The following RARB variants were observed in gnomAD, a reference collection of about 807,000 sequenced individuals.
The protein encoded by RARB is retinoic acid receptor beta.
In RARB, 17 loss-of-function variants were observed where a neutral mutation model predicts 51.9. The ratio of observed to expected loss-of-function variants is 0.33; its 90% CI spans 0.22 to 0.49. The LOEUF (loss-of-function observed/expected upper bound fraction) is 0.49, where lower values mean the gene tolerates loss of function less well. Ranked by LOEUF, RARB falls within the 20% of genes least tolerant of loss-of-function variation. RARB has a pLI of 0.99. For missense variants in RARB, 369 were observed against 550.8 expected, an observed-to-expected ratio of 0.67 and a Z score of 3.30; for synonymous variants, 215 against 195.4, an observed-to-expected ratio of 1.10 and a Z score of -0.84.
intron 1 of RARB, among the ~76,000 whole-genome samples, chr3:24,845,849 C>T (rs937514746): frequency 6.6e-6 from 1 of 152,176 alleles, no homozygotes; most frequent in African/African-American, 2.4e-5. Context: ...TCCTGTGTCT[C>T]ACAAGGTTGT....
chr3:25,024,581 C>T (rs1221471126), intron 2 of RARB, among the ~76,000 whole-genome samples: 5 of 152,086 alleles, frequency 3.3e-5, no homozygotes, highest in African/African-American at 1.2e-4. Flanking sequence ...AAAATAGTCT[C>T]TAAATATAAG....
At chr3:25,560,169 A>G (rs937633815) in intron 3 of RARB, among the ~76,000 whole-genome samples, 11 of 152,252 alleles carry the variant, frequency 7.2e-5, no homozygotes, top group African/African-American at 2.7e-4. Context: ...GATTCTGAAG[A>G]TCCTTAGAAA....
At chr3:25,216,704 T>C (rs1375979603) in intron 5 of RARB, among the ~76,000 whole-genome samples, 1 of 151,888 alleles carries the variant, frequency 6.6e-6, no homozygotes, top group South Asian at 2.1e-4. Flanking sequence ...ATCCTGTTTT[T>C]TTTTTAGAAG....
intron 3 of RARB, among the ~76,000 whole-genome samples, chr3:25,533,015 G>A (rs1284795980): frequency 1.3e-5 from 2 of 152,042 alleles, no homozygotes; most frequent in Admixed American, 1.3e-4. Context: ...TGAGCCAGAA[G>A]GTATTATATT....
At chr3:25,318,786 C>A (rs1233414509) in intron 5 of RARB, among the ~76,000 whole-genome samples, 1 of 152,184 alleles carries the variant, frequency 6.6e-6, no homozygotes, top group Non-Finnish European at 1.5e-5. Flanking sequence ...AAAATTACCA[C>A]CCTGAAACTC....
intron 3 of RARB, among the ~76,000 whole-genome samples, chr3:25,124,202 G>A (rs1699827908): frequency 6.6e-6 from 1 of 152,128 alleles, no homozygotes; most frequent in Non-Finnish European, 1.5e-5. Context: ...GTGAAACTTT[G>A]TCTCTACTAC....
At chr3:25,465,679 A>G (rs751755121) in intron 2 of RARB, among the ~76,000 whole-genome samples, 21 of 152,210 alleles carry the variant, frequency 1.4e-4, no homozygotes, top group Non-Finnish European at 1.9e-4. Flanking sequence ...CCATGGCAGT[A>G]TAACCACTAG....
intron 3 of RARB, among the ~76,000 whole-genome samples, chr3:25,079,936 TG>T (rs1698958181): frequency 6.6e-6 from 1 of 152,198 alleles, no homozygotes; most frequent in African/African-American, 2.4e-5. Flanking sequence ...TGTATAAACT[TG>T]GTATTATTTC....
intron 5 of RARB, among the ~76,000 whole-genome samples, chr3:25,207,215 C>T (rs1701571594): frequency 6.6e-6 from 1 of 152,096 alleles, no homozygotes; most frequent in Non-Finnish European, 1.5e-5. Context: ...GATATAGTTC[C>T]AACTCAGATC....
chr3:24,874,012 C>T (rs1213657625), intron 2 of RARB, among the ~76,000 whole-genome samples: 1 of 152,000 alleles, frequency 6.6e-6, no homozygotes, highest in African/African-American at 2.4e-5. Context: ...CAACTATTTA[C>T]ATAGCATTTA....
chr3:25,120,850 C>G (rs1699772980), intron 3 of RARB, among the ~76,000 whole-genome samples: 1 of 152,136 alleles, frequency 6.6e-6, no homozygotes, highest in African/African-American at 2.4e-5. Context: ...CAAAGTTTCA[C>G]TGCAAATAAG....
At chr3:25,575,913 C>T (rs887877133) in intron 4 of RARB, among the ~76,000 whole-genome samples, 6 of 152,132 alleles carry the variant, frequency 3.9e-5, no homozygotes, top group South Asian at 2.1e-4. Flanking sequence ...CCATGCTTGC[C>T]GCTCTCTGCA....
intron 5 of RARB, among the ~76,000 whole-genome samples, chr3:25,378,439 C>T (rs1359667312): frequency 6.6e-6 from 1 of 152,150 alleles, no homozygotes; most frequent in East Asian, 1.9e-4. Flanking sequence ...TGGCTTCATC[C>T]TATACCCCTA....
chr3:25,571,890 C>T (rs1346487191), intron 4 of RARB, among the ~76,000 whole-genome samples: 1 of 152,256 alleles, frequency 6.6e-6, no homozygotes, highest in African/African-American at 2.4e-5. Context: ...GTACCTTCTA[C>T]TGGATACTAA....
chr3:25,118,437 G>A (rs183851297), intron 3 of RARB, among the ~76,000 whole-genome samples: 3 of 152,228 alleles, frequency 2.0e-5, no homozygotes, highest in East Asian at 3.9e-4. Context: ...TAAACAGTAC[G>A]TATATACAAA....
chr3:25,088,245 T>A (rs1699136333), intron 3 of RARB, among the ~76,000 whole-genome samples: 2 of 152,102 alleles, frequency 1.3e-5, no homozygotes, highest in Admixed American at 1.3e-4. Flanking sequence ...TCTCAATCAA[T>A]CCTCCAGCGA....
In RARB at chr3:25,457,430, C is replaced by T. The variant is rs1024187410; in HGVS notation, c.158-3763C>T. On this transcript the variant is annotated intron_variant, in intron 1 of 7. Transcript: ENST00000330688. ...TTCCTAGAATTATTGGTGAAATCAC[C>T]ACCACCTAAATAAAAGGCCAGGGCT... 3.3e-5 allele frequency among the ~76,000 whole-genome samples: 5 copies of T among 152,170 alleles called. No homozygotes were observed. In the East Asian group the frequency reaches 7.7e-4, roughly 23 times the overall value.
chr3:25,224,225 A>G (rs1174782954), intron 5 of RARB, among the ~76,000 whole-genome samples: 1 of 152,224 alleles, frequency 6.6e-6, no homozygotes, highest in Non-Finnish European at 1.5e-5. Context: ...AATTTACTGA[A>G]TTGAACTGAA....
At chr3:25,275,821 G>GT (rs549933780) in intron 5 of RARB, among the ~76,000 whole-genome samples, 33 of 152,270 alleles carry the variant, frequency 2.2e-4, no homozygotes, top group African/African-American at 7.7e-4. Context: ...TATACCTAAT[G>GT]TAAATGACAA....
Sources: allele counts gnomAD v4.1 joint callset (sites outside exome capture counted in the v4.1 genomes callset), GRCh38; gene constraint gnomAD v4.1.1; transcripts MANE v1.5; gene names NCBI Gene and HGNC (gene_info 2026-07-23, HGNC 2026-07-21).